The following ITGB3BP variants were observed in gnomAD, a reference collection of about 807,000 sequenced individuals.
ITGB3BP encodes centromere protein R.
In ITGB3BP, 27 loss-of-function variants were observed where a neutral mutation model predicts 29.1. The observed-to-expected ratio is 0.93, with a 90% CI of 0.68 to 1.28. The LOEUF is 1.28. Among genes scored for constraint, ITGB3BP ranks in the 50% most tolerant of loss-of-function variants. The probability of loss-of-function intolerance (pLI) is 0.00; values close to 1 mark genes in which losing one functional copy is unlikely to be tolerated. For missense variants in ITGB3BP, 192 were observed against 200.2 expected (o/e 0.96, Z 0.25); for synonymous variants, 61 against 61.4 (o/e 0.99, Z 0.03).
intron 4 of ITGB3BP, among the ~76,000 whole-genome samples, chr1:63,455,190 A>G (rs1424684778): frequency 6.6e-6 from 1 of 152,126 alleles, no homozygotes; most frequent in Admixed American, 6.5e-5. Context: ...TTTCTCCACA[A>G]TGCCACATTG....
chr1:63,482,127 C>T (rs540036582), intron 3 of ITGB3BP, among the ~76,000 whole-genome samples: 24 of 151,536 alleles, frequency 1.6e-4, no homozygotes, highest in Non-Finnish European at 2.7e-4. Context: ...CAAAAAATTA[C>T]CCGCGCCTGG....
chr1:63,519,955 A>G (rs1475451231), intron 1 of ITGB3BP, among the ~76,000 whole-genome samples: 2 of 152,124 alleles, frequency 1.3e-5, no homozygotes, highest in African/African-American at 4.8e-5. Context: ...TGCTATTCCA[A>G]CTTTATAGCT....
At chr1:63,455,446 T>C (rs1037291087) in intron 4 of ITGB3BP, among the ~76,000 whole-genome samples, 1 of 152,144 alleles carries the variant, frequency 6.6e-6, no homozygotes, top group Non-Finnish European at 1.5e-5. Flanking sequence ...TCATACTTTT[T>C]TTTTCCTTTT....
intron 4 of ITGB3BP, among the ~76,000 whole-genome samples, chr1:63,475,032 T>A (rs1380934625): frequency 6.6e-6 from 1 of 152,146 alleles, no homozygotes; most frequent in Non-Finnish European, 1.5e-5. Context: ...TGGAGAGTAG[T>A]GACATTATCA....
intron 4 of ITGB3BP, among the ~76,000 whole-genome samples, chr1:63,472,449 TCCCCTCTC>T (rs1557623582): frequency 9.8e-6 from 1 of 102,286 alleles, no homozygotes; most frequent in African/African-American, 3.5e-5. Context: ...CCTCTCCCTC[TCCCCTCTC>T]CCCTCTCCCC....
intron 3 of ITGB3BP, among the ~76,000 whole-genome samples, chr1:63,485,721 G>A (rs1645515639): frequency 6.6e-6 from 1 of 151,794 alleles, no homozygotes; most frequent in Non-Finnish European, 1.5e-5. Context: ...CTCACTTCCT[G>A]GATAAAAACT....
chr1:63,491,822 A>C (rs1645654290), intron 2 of ITGB3BP, among the ~76,000 whole-genome samples: 1 of 152,156 alleles, frequency 6.6e-6, no homozygotes, highest in South Asian at 2.1e-4. Flanking sequence ...TCAAGTTATA[A>C]CTCTAAAGCA....
rs527353585 is a variant in ITGB3BP at position 63,509,528 on chromosome 1, A to C, written c.6-958T>G. Among the ~76,000 whole-genome samples, 34 of 152,328 alleles carry C rather than the reference A, an allele frequency of 2.2e-4. 1 individual carries two copies. In the South Asian group the frequency reaches 7.0e-3, roughly 32 times the overall value. ...TTTGTATTGATCTTAGAAAATGACT[A>C]TTCGTAAGTAACTATTGATTTACAA... On this transcript the variant is annotated intron_variant, in intron 1 of 8. Transcript: ENST00000271002.
rs1259141891 is a variant in ITGB3BP, at chr1:63,518,589, C to CT, written c.5+4539dup. The stretch of plus-strand genomic sequence containing the variant: ...ATCTACCTTTCCCTTTCTTTTCTTT[C>CT]TTTTTTTTTTTTAACTTTCAACTTT... On this transcript the variant is annotated intron_variant, in intron 1 of 8. Transcript: ENST00000271002. 1.3e-3 allele frequency among the ~76,000 whole-genome samples: 176 copies of CT among 139,760 alleles called. 1 individual carries two copies. The highest frequency in any genetic ancestry group is 7.2e-3 in the East Asian group (35 of 4,842). The allele number at this position is 139,760 out of a possible 152,430, so 91.7% of individuals were successfully genotyped here. A position where few individuals can be genotyped will look rare whatever the true frequency, so the allele number is the denominator to read the frequency against.
chr1:63,465,156 TA>T (rs1645078179), intron 4 of ITGB3BP, among the ~76,000 whole-genome samples: 1 of 152,148 alleles, frequency 6.6e-6, no homozygotes, highest in East Asian at 1.9e-4. Flanking sequence ...GATTTAGCAG[TA>T]AAAAAGGATG....
intron 3 of ITGB3BP, among the ~76,000 whole-genome samples, chr1:63,483,694 G>A (rs1645478000): frequency 6.6e-6 from 1 of 152,152 alleles, no homozygotes; most frequent in Non-Finnish European, 1.5e-5. Flanking sequence ...GTCATGAGCA[G>A]TATAACAACA....
intron 4 of ITGB3BP, among the ~76,000 whole-genome samples, chr1:63,464,109 C>G (rs921302797): frequency 6.6e-6 from 1 of 152,048 alleles, no homozygotes; most frequent in African/African-American, 2.4e-5. Flanking sequence ...TTTTTGGCAA[C>G]AGTTTTGACT....
intron 1 of ITGB3BP, among the ~76,000 whole-genome samples, chr1:63,517,805 T>A (rs539712364): frequency 1.3e-4 from 20 of 152,216 alleles, no homozygotes; most frequent in Admixed American, 1.2e-3. Flanking sequence ...CACTGCAGCC[T>A]TGACTTCCTC....
At chr1:63,451,478 T>C (rs1644858678) in intron 7 of ITGB3BP, among the ~76,000 whole-genome samples, 1 of 151,820 alleles carries the variant, frequency 6.6e-6, no homozygotes, top group Non-Finnish European at 1.5e-5. Flanking sequence ...GAGGGACATA[T>C]AAAGCAAACT....
At chr1:63,500,618 A>AAGAT (rs1244002028) in intron 2 of ITGB3BP, among the ~76,000 whole-genome samples, 1 of 152,222 alleles carries the variant, frequency 6.6e-6, no homozygotes. Flanking sequence ...ACATTATTGA[A>AAGAT]AGATAATAAG....
At chr1:63,446,724 A>C in intron 8 of ITGB3BP, 82 bp downstream of exon 8, 2 of 963,214 alleles carry the variant, frequency 2.1e-6, no homozygotes, top group East Asian at 4.8e-5. Context: ...CAAATCTGAT[A>C]ATGTAAATAA....
intron 7 of ITGB3BP, among the ~76,000 whole-genome samples, chr1:63,448,527 C>G (rs1394576667): frequency 6.6e-6 from 1 of 151,958 alleles, no homozygotes; most frequent in Non-Finnish European, 1.5e-5. Context: ...CTGCTTTTAA[C>G]TATATAACTA....
intron 7 of ITGB3BP, among the ~76,000 whole-genome samples, chr1:63,453,066 C>G (rs1212752814): frequency 6.6e-6 from 1 of 152,192 alleles, no homozygotes; most frequent in East Asian, 1.9e-4. Context: ...AATCCTTGCT[C>G]TGTTACCTAA....
In ITGB3BP at chr1:63,523,220, A is replaced by C. The variant is rs1179051296; in HGVS notation, c.-87T>G. The C allele has an allele frequency of 6.3e-7, 1 of 1,582,952 alleles. No individual in the cohort carries two copies. The highest frequency in any genetic ancestry group is 8.7e-7 in the Non-Finnish European group (1 of 1,154,650). ...AGAAAATCCGCCAAAGGAAACGCCA[A>C]GGCATGAAAAGCGCGCGCTGGACGT... On this transcript the variant is annotated 5_prime_UTR_variant, in exon 1 of 9. Coordinates refer to ENST00000271002, the MANE Select transcript of ITGB3BP (RefSeq NM_014288.5).
Sources: gnomAD v4.1 joint callset for allele counts (sites outside exome capture counted in the v4.1 genomes callset) on GRCh38, gnomAD v4.1.1 for gene constraint, MANE v1.5 for transcripts, NCBI Gene and HGNC (gene_info 2026-07-23, HGNC 2026-07-21) for gene names.